The following ATP9B variants were observed in gnomAD, a reference collection of about 807,000 sequenced individuals.
ATP9B encodes the protein probable phospholipid-transporting ATPase IIB.
A neutral mutation model predicts 146.1 loss-of-function variants in ATP9B; 110 were observed. The ratio of observed to expected loss-of-function variants is 0.75; its 90% CI spans 0.65 to 0.88. ATP9B has a LOEUF of 0.88. Among genes scored for constraint, ATP9B ranks in the 40% least tolerant of loss-of-function variants. The pLI is 0.00. For synonymous variants in ATP9B, 604 were observed against 569.7 expected, an observed-to-expected ratio of 1.06 and a Z score of -0.86; for missense variants, 1,499 against 1,496.4, an observed-to-expected ratio of 1.00 and a Z score of -0.03.
At chr18:79,181,285 GT>G (rs2095249673) in intron 8 of ATP9B, among the ~76,000 whole-genome samples, 1 of 152,144 alleles carries the variant, frequency 6.6e-6, no homozygotes, top group African/African-American at 2.4e-5. Context: ...AGTCTTTCCT[GT>G]TTTGACTGGC....
Position 79,377,311 on chromosome 18 carries a change from C to T in ATP9B, c.3372C>T (p.Cys1124=). The change falls in exon 30 of 30, where the codon TGC becomes TGT. Residue 1124 remains cysteine, a synonymous_variant. Transcript: ENST00000426216. ...WKVSAITVVS[C]LPLYVLKYLR... ...TGTCGGCGATCACCGTGGTCAGCTG[C>T]CTCCCGCTGTATGTCCTCAAGTACC... 1 of 1,612,466 alleles carries T rather than the reference C, an allele frequency of 6.2e-7. No individual in the cohort carries two copies. Among genetic ancestry groups the T allele is most frequent in the Non-Finnish European group, 8.5e-7 (1 of 1,180,028 alleles).
chr18:79,176,081 C>T (rs1281783973), intron 7 of ATP9B, among the ~76,000 whole-genome samples: 1 of 152,166 alleles, frequency 6.6e-6, no homozygotes, highest in Non-Finnish European at 1.5e-5. Context: ...GTTTGCTTTA[C>T]TTTCTTCTCT....
At chr18:79,306,846 A>G (rs1352017879) in intron 14 of ATP9B, 140 bp from the exon 15 acceptor site, 1 of 1,004,628 alleles carries the variant, frequency 1.0e-6, no homozygotes, top group African/African-American at 1.6e-5. Flanking sequence ...TCAGTGCTTT[A>G]TAGGAGATAA....
In ATP9B at chr18:79,071,399, C is replaced by CTTTTTTTTTTTTTTTTTTTTTTT. The variant is rs56119715; in HGVS notation, c.119+1884_119+1885insTTTTTTTTTTTTTTTTTTTTTTT. 5.3e-3 allele frequency among the ~76,000 whole-genome samples: 368 copies of CTTTTTTTTTTTTTTTTTTTTTTT among 69,260 alleles called. 80 individuals are homozygous for CTTTTTTTTTTTTTTTTTTTTTTT. Among genetic ancestry groups the CTTTTTTTTTTTTTTTTTTTTTTT allele is most frequent in the South Asian group, 0.013 (21 of 1,632 alleles). 45.4% of individuals were successfully genotyped at this position (69,260 alleles called of 152,430 possible). On this transcript the variant is annotated intron_variant, in intron 1 of 29. Transcript: ENST00000426216. ...ATTTCCCCTTTTTCTATTGTTCTTC[C>CTTTTTTTTTTTTTTTTTTTTTTT]TTTTTTTTTTTTTTGAGACAGGGTC...
At chr18:79,216,089 A>T (rs371267655) in intron 11 of ATP9B, among the ~76,000 whole-genome samples, 1 of 138,310 alleles carries the variant, frequency 7.2e-6, no homozygotes, top group African/African-American at 2.8e-5. Context: ...TTAATTTTAA[A>T]TATGAATTTA....
chr18:79,200,932 G>T (rs371764439), intron 9 of ATP9B, among the ~76,000 whole-genome samples: 2 of 152,180 alleles, frequency 1.3e-5, no homozygotes, highest in African/African-American at 4.8e-5. Flanking sequence ...GCTTTAGGAC[G>T]GTCGGTTGGC....
At chr18:79,150,260 C>T (rs1310233851) in intron 6 of ATP9B, among the ~76,000 whole-genome samples, 1 of 151,934 alleles carries the variant, frequency 6.6e-6, no homozygotes, top group Non-Finnish European at 1.5e-5. Context: ...TTGTATATTG[C>T]TTGTGGAAAT....
chr18:79,303,909 C>T (rs552577748), intron 14 of ATP9B, among the ~76,000 whole-genome samples, 193 bp downstream of exon 14: 1 of 152,168 alleles, frequency 6.6e-6, no homozygotes, highest in African/African-American at 2.4e-5. Flanking sequence ...TGAGTGAAAT[C>T]GTAGAAGGCA....
intron 8 of ATP9B, among the ~76,000 whole-genome samples, chr18:79,178,560 G>T (rs1412226009): frequency 2.0e-5 from 3 of 152,144 alleles, no homozygotes; most frequent in Non-Finnish European, 4.4e-5. Flanking sequence ...TTAGTTTGCT[G>T]AGAGGTTTTA....
intron 5 of ATP9B, among the ~76,000 whole-genome samples, chr18:79,130,193 C>T (rs2094354299): frequency 6.6e-6 from 1 of 152,142 alleles, no homozygotes; most frequent in South Asian, 2.1e-4. Flanking sequence ...TTAAATGTGC[C>T]AGGGCGCTCA....
chr18:79,296,178 G>A (rs1380601777), intron 13 of ATP9B, among the ~76,000 whole-genome samples: 1 of 152,070 alleles, frequency 6.6e-6, no homozygotes, highest in Admixed American at 6.6e-5. Flanking sequence ...GCCATGCCCA[G>A]CTAGTTTTTG....
intron 11 of ATP9B, among the ~76,000 whole-genome samples, chr18:79,228,194 A>G (rs1234958214): frequency 1.3e-5 from 2 of 152,222 alleles, no homozygotes; most frequent in African/African-American, 2.4e-5. Flanking sequence ...GAATATCTCA[A>G]ATTCTCCACT....
At chr18:79,183,594 A>G (rs2095273914) in intron 8 of ATP9B, among the ~76,000 whole-genome samples, 1 of 152,132 alleles carries the variant, frequency 6.6e-6, no homozygotes, top group Admixed American at 6.5e-5. Context: ...TCTGTTGCCC[A>G]TATAAAAGTT....
intron 9 of ATP9B, among the ~76,000 whole-genome samples, chr18:79,201,210 T>G (rs935757108): frequency 6.6e-6 from 1 of 152,254 alleles, no homozygotes; most frequent in Non-Finnish European, 1.5e-5. Flanking sequence ...ATTTTAGATA[T>G]ATCCATTCTG....
At chr18:79,072,126 C>T (rs1026208500) in intron 1 of ATP9B, among the ~76,000 whole-genome samples, 8 of 145,706 alleles carry the variant, frequency 5.5e-5, no homozygotes, top group Non-Finnish European at 1.1e-4. Context: ...TTAATCTCTT[C>T]TCAAGTTCCC....
intron 7 of ATP9B, among the ~76,000 whole-genome samples, chr18:79,168,378 G>GTGT (rs2095015859): frequency 7.0e-6 from 1 of 143,744 alleles, no homozygotes; most frequent in Non-Finnish European, 1.5e-5. Flanking sequence ...TTTTGATTTT[G>GTGT]TTTTTTTTTT....
chr18:79,228,087 A>G (rs1443926309), intron 11 of ATP9B, among the ~76,000 whole-genome samples: 1 of 152,268 alleles, frequency 6.6e-6, no homozygotes. Context: ...AATGCAGGAC[A>G]TATTAGAGCT....
intron 9 of ATP9B, among the ~76,000 whole-genome samples, chr18:79,203,495 A>G (rs2095507272): frequency 6.6e-6 from 1 of 152,224 alleles, no homozygotes; most frequent in Non-Finnish European, 1.5e-5. Context: ...ACTGCAGGTG[A>G]AAGACATCTT....
chr18:79,133,503 T>C (rs1334276054), intron 5 of ATP9B, among the ~76,000 whole-genome samples: 1 of 138,982 alleles, frequency 7.2e-6, no homozygotes, highest in African/African-American at 2.9e-5. Flanking sequence ...TCAGGAGTGG[T>C]TATAAACACA....
Sources: allele counts gnomAD v4.1 joint callset (sites outside exome capture counted in the v4.1 genomes callset), GRCh38; gene constraint gnomAD v4.1.1; transcripts MANE v1.5; gene names NCBI Gene and HGNC (gene_info 2026-07-23, HGNC 2026-07-21).